Variants in OPCML observed in about 807,000 individuals in gnomAD.
OPCML encodes opioid-binding protein/cell adhesion molecule.
Under a neutral mutation model 37.8 loss-of-function variants are expected in OPCML, and 13 were observed. That is an observed-to-expected ratio of 0.34 (90% CI 0.22 to 0.55). The LOEUF is 0.55. OPCML is among the 20% of genes least tolerant of loss of function. OPCML has a pLI of 0.91. For synonymous variants in OPCML, 176 were observed against 168.8 expected (o/e 1.04, Z -0.33); for missense variants, 341 against 435.6 (o/e 0.78, Z 1.93).
At chr11:133,434,787 AT>A (rs1946197178) in intron 1 of OPCML, among the ~76,000 whole-genome samples, 1 of 131,860 alleles carries the variant, frequency 7.6e-6, no homozygotes, top group African/African-American at 3.2e-5. Context: ...GAAAAAAAAA[AT>A]TATATATATG....
At chr11:133,210,711 G>T (rs1939320744) in intron 1 of OPCML, among the ~76,000 whole-genome samples, 2 of 152,030 alleles carry the variant, frequency 1.3e-5, no homozygotes. Context: ...TAAATGTGAA[G>T]GTGGAATGAA....
intron 1 of OPCML, among the ~76,000 whole-genome samples, chr11:133,054,787 T>C (rs10894641): frequency 0.52 from 79,247 of 151,928 alleles, 21,010 homozygotes; most frequent in African/African-American, 0.59. Flanking sequence ...GTGAAGGAGC[T>C]GCCTTTACTA....
At chr11:132,698,015 TTTATTTATTTA>T (rs1943663332) in intron 2 of OPCML, among the ~76,000 whole-genome samples, 1 of 95,490 alleles carries the variant, frequency 1.0e-5, no homozygotes, top group Non-Finnish European at 2.3e-5. Context: ...TATTTATTTA[TTTATTTATTTA>T]TTGTAGAGAT....
At chr11:133,428,470 T>A (rs1394895036) in intron 1 of OPCML, among the ~76,000 whole-genome samples, 4 of 152,202 alleles carry the variant, frequency 2.6e-5, no homozygotes, top group African/African-American at 9.7e-5. Context: ...CTACTGCCAG[T>A]AATAAGATTA....
At chr11:132,925,540 A>G (rs1193038265) in intron 2 of OPCML, among the ~76,000 whole-genome samples, 1 of 152,214 alleles carries the variant, frequency 6.6e-6, no homozygotes, top group Non-Finnish European at 1.5e-5. Context: ...AAAACCCACG[A>G]AAGTATGGGG....
At chr11:132,751,897 T>C (rs1435699437) in intron 2 of OPCML, among the ~76,000 whole-genome samples, 1 of 152,214 alleles carries the variant, frequency 6.6e-6, no homozygotes, top group Non-Finnish European at 1.5e-5. Context: ...TGCTTATAAC[T>C]GTTAGTGAGG....
chr11:132,765,035 G>A (rs1331544191), intron 2 of OPCML, among the ~76,000 whole-genome samples: 1 of 151,824 alleles, frequency 6.6e-6, no homozygotes, highest in East Asian at 1.9e-4. Context: ...CCCCTCAGAA[G>A]GTAGGCATGA....
intron 2 of OPCML, among the ~76,000 whole-genome samples, chr11:132,860,996 T>C (rs995417307): frequency 6.6e-6 from 1 of 152,222 alleles, no homozygotes; most frequent in African/African-American, 2.4e-5. Context: ...TACAAACTAA[T>C]ATATTGTACA....
intron 2 of OPCML, among the ~76,000 whole-genome samples, chr11:132,779,547 A>G (rs1946924087): frequency 6.7e-6 from 1 of 149,330 alleles, no homozygotes; most frequent in Admixed American, 6.7e-5. Context: ...GTGATGATAG[A>G]TAGACAGAAG....
chr11:132,638,036 G>A (rs1004879994), intron 3 of OPCML, among the ~76,000 whole-genome samples: 9 of 152,064 alleles, frequency 5.9e-5, no homozygotes, highest in Non-Finnish European at 1.2e-4. Flanking sequence ...ATTCTAAAGG[G>A]AAGAGTGGCA....
intron 1 of OPCML, among the ~76,000 whole-genome samples, chr11:133,478,695 A>C (rs1416962395): frequency 6.6e-6 from 1 of 152,244 alleles, no homozygotes; most frequent in African/African-American, 2.4e-5. Flanking sequence ...ACTATAGACA[A>C]ACTAAAACGA....
chr11:133,490,271 A>C (rs1342242201), intron 1 of OPCML, among the ~76,000 whole-genome samples: 1 of 152,218 alleles, frequency 6.6e-6, no homozygotes, highest in African/African-American at 2.4e-5. Context: ...TGAGATTTCC[A>C]TCCCGACCTA....
intron 1 of OPCML, among the ~76,000 whole-genome samples, chr11:133,207,005 G>T (rs1939094633): frequency 6.6e-6 from 1 of 151,606 alleles, no homozygotes; most frequent in Admixed American, 6.6e-5. Context: ...CTCCTTCTAA[G>T]AGCCGGGCGC....
chr11:132,628,857 T>C (rs1046591882), intron 3 of OPCML, among the ~76,000 whole-genome samples: 1 of 152,168 alleles, frequency 6.6e-6, no homozygotes, highest in Non-Finnish European at 1.5e-5. Flanking sequence ...GCTTGGCACT[T>C]CTTGCTGCTG....
At chr11:133,154,148 G>A (rs1950024234) in intron 1 of OPCML, among the ~76,000 whole-genome samples, 3 of 151,914 alleles carry the variant, frequency 2.0e-5, no homozygotes, top group Admixed American at 1.3e-4. Flanking sequence ...GGGATGTGCG[G>A]AGCAGGATGG....
At chr11:132,613,677 G>A (rs138771541) in intron 3 of OPCML, among the ~76,000 whole-genome samples, 1 of 152,296 alleles carries the variant, frequency 6.6e-6, no homozygotes, top group African/African-American at 2.4e-5. Context: ...AGAATGGAGA[G>A]GGGCAGCATA....
At chr11:133,430,055 A>G (rs1332519164) in intron 1 of OPCML, among the ~76,000 whole-genome samples, 1 of 152,082 alleles carries the variant, frequency 6.6e-6, no homozygotes, top group African/African-American at 2.4e-5. Flanking sequence ...TGCAGAGGAG[A>G]GGAGAGAATT....
At chr11:132,441,362 G>T (rs1014125035) in intron 4 of OPCML, among the ~76,000 whole-genome samples, 1 of 151,102 alleles carries the variant, frequency 6.6e-6, no homozygotes, top group Admixed American at 6.6e-5. Flanking sequence ...TAGAGACGGG[G>T]TTTCACCGTT....
intron 1 of OPCML, among the ~76,000 whole-genome samples, chr11:133,147,883 G>A (rs1353577277): frequency 6.6e-6 from 1 of 152,104 alleles, no homozygotes; most frequent in Non-Finnish European, 1.5e-5. Flanking sequence ...AATGATGATG[G>A]CATTTAACTC....
Sources: gnomAD v4.1 joint callset for allele counts (sites outside exome capture counted in the v4.1 genomes callset) on GRCh38, gnomAD v4.1.1 for gene constraint, MANE v1.5 for transcripts, NCBI Gene and HGNC (gene_info 2026-07-23, HGNC 2026-07-21) for gene names.